PTPRD: variants seen among roughly 807,000 people sequenced by gnomAD.
PTPRD encodes receptor-type tyrosine-protein phosphatase delta.
Under a neutral mutation model 214.5 loss-of-function variants are expected in PTPRD, and 34 were observed. The observed-to-expected ratio is 0.16, with a 90% CI of 0.12 to 0.21. The LOEUF is 0.21. Among genes scored for constraint, PTPRD ranks in the 10% least tolerant of loss-of-function variants. The pLI is 1.00. For missense variants in PTPRD, 2,545 were observed against 2,398.7 expected (o/e 1.06, Z -1.27); for synonymous variants, 1,128 against 845.7 (o/e 1.33, Z -5.79).
At chr9:9,955,238 T>C (rs2093804970) in intron 4 of PTPRD, among the ~76,000 whole-genome samples, 1 of 152,118 alleles carries the variant, frequency 6.6e-6, no homozygotes, top group African/African-American at 2.4e-5. Context: ...AAATGAATAA[T>C]GCATGAATGA....
At chr9:10,108,867 A>AGG (rs5896371) in intron 3 of PTPRD, among the ~76,000 whole-genome samples, 1 of 148,296 alleles carries the variant, frequency 6.7e-6, no homozygotes, top group Non-Finnish European at 1.5e-5. Context: ...GCACGTAAAG[A>AGG]GGGTTTTTTT....
At chr9:8,785,911 A>G (rs937377522) in intron 11 of PTPRD, among the ~76,000 whole-genome samples, 26 of 152,238 alleles carry the variant, frequency 1.7e-4, no homozygotes, top group Admixed American at 5.9e-4. Context: ...ACTAGTAAGG[A>G]AACAAAAGCA....
chr9:8,838,632 C>G (rs2097491127), intron 11 of PTPRD, among the ~76,000 whole-genome samples: 1 of 151,368 alleles, frequency 6.6e-6, no homozygotes, highest in Admixed American at 6.6e-5. Flanking sequence ...TTTTTACATT[C>G]TATGTGTATA....
At chr9:9,744,895 A>G (rs1186457154) in intron 6 of PTPRD, among the ~76,000 whole-genome samples, 4 of 152,042 alleles carry the variant, frequency 2.6e-5, no homozygotes, top group East Asian at 1.9e-4. Context: ...GTGCTTGAGT[A>G]TATCATTTGC....
In PTPRD at chr9:8,485,887, G is replaced by A. The variant is rs375286955; in HGVS notation, c.2930C>T (p.Thr977Ile). 51 of 1,614,056 alleles carry A rather than the reference G, an allele frequency of 3.2e-5. No individual in the cohort carries two copies. The African/African-American group carries it at 5.6e-4, about 18-fold the overall frequency. ...TTTTAAGCCAGTGAGTGTCATAGTG[G>A]TGTCAGCTGGAACAATAAGCTGCTC... The part of the protein sequence containing the change: ...PMEQLIVPAD[T>I]TMTLTGLKPD... The change falls in exon 28 of 46, where the codon ACC (threonine) becomes ATC (isoleucine). Residue 977 changes from threonine to isoleucine, a missense_variant. Transcript: ENST00000381196.
Position 9,618,071 on chromosome 9 carries a change from C to CAAAAAAAAAAAAAAAAAAAAA in PTPRD, c.-286-43311_-286-43291dup. 1.1e-3 allele frequency among the ~76,000 whole-genome samples: 26 copies of CAAAAAAAAAAAAAAAAAAAAA among 23,032 alleles called. 2 individuals are homozygous for CAAAAAAAAAAAAAAAAAAAAA. The highest frequency in any genetic ancestry group is 1.6e-3 in the Non-Finnish European group (20 of 12,788). The allele number at this position is 23,032 out of a possible 152,430, so 15.1% of individuals were successfully genotyped here. Reference sequence around the variant, plus strand: ...TGGGCGACAGAGCGAGACTCCATCTCAAAAAAAAAAAAAAAAAAAAAAAAA... The same window carrying CAAAAAAAAAAAAAAAAAAAAA: ...TGGGCGACAGAGCGAGACTCCATCTCAAAAAAAAAAAAAAAAAAAAAAAAAAAAAAAAAAAAAAAAAAAAAA... On this transcript the variant is annotated intron_variant, in intron 7 of 45. Coordinates refer to ENST00000381196, the MANE Select transcript of PTPRD (RefSeq NM_002839.4).
intron 9 of PTPRD, among the ~76,000 whole-genome samples, chr9:9,198,408 GT>G (rs557441820): frequency 4.5e-4 from 67 of 149,504 alleles, no homozygotes; most frequent in East Asian, 2.5e-3. Context: ...TGTCAAATAG[GT>G]TTTTTTTTTC....
At chr9:9,736,699 T>C (rs1349740571) in intron 6 of PTPRD, among the ~76,000 whole-genome samples, 1 of 152,104 alleles carries the variant, frequency 6.6e-6, no homozygotes, top group African/African-American at 2.4e-5. Context: ...CAAATTTTAG[T>C]GCATTTTCAT....
At chr9:9,582,811 T>C (rs2091119258) in intron 7 of PTPRD, among the ~76,000 whole-genome samples, 1 of 152,070 alleles carries the variant, frequency 6.6e-6, no homozygotes. Flanking sequence ...TAGTATATAT[T>C]AGGATGAATA....
At chr9:9,081,691 CATAT>C in intron 10 of PTPRD, among the ~76,000 whole-genome samples, 1 of 152,122 alleles carries the variant, frequency 6.6e-6, no homozygotes, top group East Asian at 1.9e-4. Flanking sequence ...GTATTGGGTG[CATAT>C]ATATTTAGGA....
intron 12 of PTPRD, among the ~76,000 whole-genome samples, chr9:8,687,951 T>C (rs2097718334): frequency 1.3e-5 from 2 of 152,166 alleles, no homozygotes; most frequent in African/African-American, 4.8e-5. Context: ...AAATAAACAA[T>C]TGAGTTATAT....
At chr9:10,265,460 T>C (rs1331091825) in intron 3 of PTPRD, among the ~76,000 whole-genome samples, 1 of 152,148 alleles carries the variant, frequency 6.6e-6, no homozygotes, top group African/African-American at 2.4e-5. Flanking sequence ...CTCTGCTGAG[T>C]TGAATCCTAA....
At chr9:8,740,748 GGA>G (rs2091714521) in intron 11 of PTPRD, among the ~76,000 whole-genome samples, 1 of 149,224 alleles carries the variant, frequency 6.7e-6, no homozygotes, top group Non-Finnish European at 1.5e-5. Flanking sequence ...CAATCAGTTA[GGA>G]AAAACAACAA....
intron 2 of PTPRD, among the ~76,000 whole-genome samples, chr9:10,550,394 G>A (rs549847221): frequency 6.6e-6 from 1 of 152,272 alleles, no homozygotes; most frequent in South Asian, 2.1e-4. Context: ...ATGATGATTT[G>A]GGTGAAGTTA....
chr9:8,436,987 A>T (rs1009677012), intron 34 of PTPRD, among the ~76,000 whole-genome samples: 19 of 152,218 alleles, frequency 1.2e-4, no homozygotes, highest in Admixed American at 1.1e-3. Context: ...GAAAAAACTG[A>T]CAGTCAGGCT....
At chr9:10,532,425 A>G (rs554740795) in intron 2 of PTPRD, 1 of 149,960 alleles carries the variant, frequency 6.7e-6, no homozygotes, top group Admixed American at 6.9e-5. Flanking sequence ...CAAATGACAC[A>G]TTGGTTAGTG....
chr9:10,062,661 T>G (rs963918719), intron 3 of PTPRD, among the ~76,000 whole-genome samples: 1 of 152,024 alleles, frequency 6.6e-6, no homozygotes, highest in Non-Finnish European at 1.5e-5. Context: ...AGTTGTTAAG[T>G]AGCCGATAGC....
intron 27 of PTPRD, among the ~76,000 whole-genome samples, chr9:8,490,985 A>G (rs542877085): frequency 6.6e-6 from 1 of 152,360 alleles, no homozygotes; most frequent in African/African-American, 2.4e-5. Flanking sequence ...TAAATATACG[A>G]GGATTTTTAA....
intron 30 of PTPRD, among the ~76,000 whole-genome samples, chr9:8,480,016 G>C (rs2096846737): frequency 6.6e-6 from 1 of 152,100 alleles, no homozygotes; most frequent in African/African-American, 2.4e-5. Flanking sequence ...ATACCTGGCA[G>C]TACTCACCCC....
Sources: allele counts gnomAD v4.1 joint callset (sites outside exome capture counted in the v4.1 genomes callset), GRCh38; gene constraint gnomAD v4.1.1; transcripts MANE v1.5; gene names NCBI Gene and HGNC (gene_info 2026-07-23, HGNC 2026-07-21).